The following WWC2 variants were observed in gnomAD, a reference collection of about 807,000 sequenced individuals.
WWC2 encodes WW and C2 domain containing 2.
Under a neutral mutation model 138.5 loss-of-function variants are expected in WWC2, and 101 were observed. The ratio of observed to expected loss-of-function variants is 0.73; its 90% CI spans 0.62 to 0.86. The LOEUF (loss-of-function observed/expected upper bound fraction) is 0.86, where lower values mean the gene tolerates loss of function less well. Ranked by LOEUF, WWC2 falls within the 40% of genes least tolerant of loss-of-function variation. The probability of loss-of-function intolerance (pLI) is 0.00; values close to 1 mark genes in which losing one functional copy is unlikely to be tolerated. For synonymous variants in WWC2, 558 were observed against 538.4 expected, an observed-to-expected ratio of 1.04 and a Z score of -0.50; for missense variants, 1,420 against 1,419.4, an observed-to-expected ratio of 1.00 and a Z score of -0.01.
intron 15 of WWC2, 90 bp downstream of exon 15, chr4:183,269,253 G>A (rs1220298807): frequency 3.8e-6 from 5 of 1,313,346 alleles, no homozygotes; most frequent in Middle Eastern, 1.9e-4. Flanking sequence ...GCCAGCCCTA[G>A]AAATCACTAC....
At chr4:183,144,749 A>G (rs1263878308) in intron 1 of WWC2, among the ~76,000 whole-genome samples, 1 of 152,182 alleles carries the variant, frequency 6.6e-6, no homozygotes. Context: ...AACAGACAAG[A>G]TTTGTTTAAT....
chr4:183,124,536 C>CTTTTTTTTTTTTT (rs370409813), intron 1 of WWC2, among the ~76,000 whole-genome samples: 3 of 122,794 alleles, frequency 2.4e-5, no homozygotes, highest in African/African-American at 9.3e-5. Flanking sequence ...TCCTTTTTCT[C>CTTTTTTTTTTTTT]TTTTTTTTTT....
chr4:183,166,058 T>A (rs1221318995), intron 1 of WWC2, among the ~76,000 whole-genome samples: 3 of 152,188 alleles, frequency 2.0e-5, no homozygotes, highest in Non-Finnish European at 2.9e-5. Flanking sequence ...TAAATTGAGA[T>A]CTTGTGTTAG....
In WWC2 at chr4:183,159,666, A is replaced by T. The variant is rs193273658; in HGVS notation, c.132-33933A>T. ...GTGATCCATCTGCCTCAGCTTCCCA[A>T]AGTGCTGGGATTACAGGCATAAGCC... is the stretch of plus-strand genomic sequence containing the variant. On this transcript the variant is annotated intron_variant, in intron 1 of 22. Coordinates refer to ENST00000403733, the MANE Select transcript of WWC2 (RefSeq NM_024949.6). Among the ~76,000 whole-genome samples the T allele has an allele frequency of 5.3e-5, 8 of 150,890 alleles. No individual in the cohort carries two copies. In the South Asian group the frequency reaches 1.3e-3, roughly 24 times the overall value.
intron 2 of WWC2, among the ~76,000 whole-genome samples, chr4:183,194,964 A>C (rs558826947): frequency 2.0e-5 from 3 of 152,216 alleles, no homozygotes; most frequent in Non-Finnish European, 4.4e-5. Flanking sequence ...GCTATTATTT[A>C]TCTCTCCCTG....
At position 183,149,314 on chromosome 4, in the gene WWC2, G is replaced by T. The variant is rs115846384; in HGVS notation, c.132-44285G>T. Among the ~76,000 whole-genome samples the T allele has an allele frequency of 6.8e-3, 1,031 of 152,164 alleles. 8 individuals carry two copies. The highest frequency in any genetic ancestry group is 0.024 in the African/African-American group (996 of 41,526). Reference sequence around the variant, plus strand: ...GACAAAATGACAAATATCATAGGTGGTTGTTTCTTTTGAAAAACAAATCTT... The same window carrying T: ...GACAAAATGACAAATATCATAGGTGTTTGTTTCTTTTGAAAAACAAATCTT... On this transcript the variant is annotated intron_variant, in intron 1 of 22. Transcript: ENST00000403733.
At chr4:183,216,759 A>G (rs999776456) in intron 4 of WWC2, among the ~76,000 whole-genome samples, 3 of 152,198 alleles carry the variant, frequency 2.0e-5, no homozygotes, top group Non-Finnish European at 4.4e-5. Context: ...GCTAGAATAT[A>G]TAGGAAATAC....
chr4:183,241,594 T>G (rs1736623344), intron 5 of WWC2, among the ~76,000 whole-genome samples: 1 of 152,184 alleles, frequency 6.6e-6, no homozygotes, highest in Non-Finnish European at 1.5e-5. Flanking sequence ...TGGAGAGTGC[T>G]TAGAAAAATA....
At chr4:183,270,823 G>A (rs1274756681) in intron 15 of WWC2, among the ~76,000 whole-genome samples, 6 of 152,044 alleles carry the variant, frequency 3.9e-5, no homozygotes, top group Non-Finnish European at 7.4e-5. Flanking sequence ...TTAGGTCTTC[G>A]CAAAATGGTA....
At position 183,284,241 on chromosome 4, in the gene WWC2, A is replaced by G; in HGVS notation, c.2899A>G (p.Asn967Asp). The change falls in exon 19 of 23, where the codon AAC becomes GAC. Residue 967 changes from asparagine (N) to aspartate (D), a missense_variant. Transcript: ENST00000403733. Reference sequence around the variant, plus strand: ...TCTCTTATAGGTTGACAAAGAGACAAACACTGATGAAGCCGCTAATGACAA... The same window carrying G: ...TCTCTTATAGGTTGACAAAGAGACAGACACTGATGAAGCCGCTAATGACAA... ...RIPTLVDKET[N>D]TDEAANDNMA... 6.2e-7 allele frequency: 1 copy of G among 1,613,960 alleles called. No individual in the cohort carries two copies. Among genetic ancestry groups the G allele is most frequent in the Non-Finnish European group, 8.5e-7 (1 of 1,179,842 alleles).
At position 183,261,071 on chromosome 4, in the gene WWC2, AG is replaced by A; in HGVS notation, c.1449del (p.Gln483HisfsTer108). ...SQSDQIDVDY[Q>X]YKLDFLLQEK... ...AGTGATCAGATAGATGTGGATTATC[AG>A]TATAAACTGGACTTCCTTCTGCAAG... is the stretch of plus-strand genomic sequence containing the variant. On this transcript the variant is annotated frameshift_variant, in exon 11 of 23. Transcript: ENST00000403733. LOFTEE classifies it high-confidence loss of function. 1 of 1,614,040 alleles carries A rather than the reference AG, an allele frequency of 6.2e-7. No individual in the cohort carries two copies. Among genetic ancestry groups the A allele is most frequent in the South Asian group, 1.1e-5 (1 of 91,088 alleles).
chr4:183,140,472 G>A (rs1296578966), intron 1 of WWC2, among the ~76,000 whole-genome samples: 1 of 152,180 alleles, frequency 6.6e-6, no homozygotes, highest in African/African-American at 2.4e-5. Context: ...TGAGACCACT[G>A]CTTCAAGGGG....
At chr4:183,100,861 AG>A (rs1433041966) in intron 1 of WWC2, among the ~76,000 whole-genome samples, 1 of 152,234 alleles carries the variant, frequency 6.6e-6, no homozygotes, top group Non-Finnish European at 1.5e-5. Context: ...ACCTGTGCTG[AG>A]GTTCGGTCTT....
chr4:183,284,012 A>G (rs1220610031), intron 18 of WWC2, among the ~76,000 whole-genome samples: 4 of 152,220 alleles, frequency 2.6e-5, no homozygotes, highest in Non-Finnish European at 5.9e-5. Flanking sequence ...AGAACTTAGT[A>G]CAAAACCATT....
At chr4:183,188,688 A>T (rs1580033988) in intron 1 of WWC2, among the ~76,000 whole-genome samples, 1 of 129,908 alleles carries the variant, frequency 7.7e-6, no homozygotes, top group Non-Finnish European at 1.5e-5. Context: ...TCTTGTCCCC[A>T]GGCTGGAGTG....
chr4:183,142,821 G>A (rs372021348), intron 1 of WWC2, among the ~76,000 whole-genome samples: 18 of 152,254 alleles, frequency 1.2e-4, no homozygotes, highest in African/African-American at 4.1e-4. Flanking sequence ...ATTAGGGTGT[G>A]GGCTGGGTGG....
intron 21 of WWC2, among the ~76,000 whole-genome samples, chr4:183,307,601 G>A (rs1739065012): frequency 6.6e-6 from 1 of 152,166 alleles, no homozygotes; most frequent in Non-Finnish European, 1.5e-5. Flanking sequence ...ATGACCAAGG[G>A]AGATTTATCC....
chr4:183,256,368 T>G (rs1249833086), intron 9 of WWC2, among the ~76,000 whole-genome samples: 1 of 152,224 alleles, frequency 6.6e-6, no homozygotes, highest in African/African-American at 2.4e-5. Flanking sequence ...ATCCTTTCTT[T>G]CCCAAGTAGA....
chr4:183,196,938 A>G (rs1247392839), intron 2 of WWC2, among the ~76,000 whole-genome samples: 3 of 152,126 alleles, frequency 2.0e-5, no homozygotes, highest in East Asian at 1.9e-4. Context: ...AAGCATTTTC[A>G]TATTGCATTT....
Sources: allele counts gnomAD v4.1 joint callset (sites outside exome capture counted in the v4.1 genomes callset), GRCh38; gene constraint gnomAD v4.1.1; transcripts MANE v1.5; gene names NCBI Gene and HGNC (gene_info 2026-07-23, HGNC 2026-07-21).